NTF3: variants seen among roughly 807,000 people sequenced by gnomAD.
The protein encoded by NTF3 is neurotrophin 3.
Under a neutral mutation model 26.3 loss-of-function variants are expected in NTF3, and 8 were observed. That is an observed-to-expected ratio of 0.30 (90% CI 0.18 to 0.55). The LOEUF is 0.55. Among genes scored for constraint, NTF3 ranks in the 20% least tolerant of loss-of-function variants. NTF3 has a pLI of 0.93. For synonymous variants in NTF3, 154 were observed against 145.5 expected (o/e 1.06, Z -0.42); for missense variants, 276 against 352.9 (o/e 0.78, Z 1.75).
At chr12:5,440,951 C>T (rs1020036708) in intron 1 of NTF3, among the ~76,000 whole-genome samples, 6 of 152,196 alleles carry the variant, frequency 3.9e-5, no homozygotes, top group Admixed American at 2.0e-4. Flanking sequence ...ATTGAACATA[C>T]GGATGAGTGC....
intron 1 of NTF3, among the ~76,000 whole-genome samples, chr12:5,440,550 G>A (rs76168778): frequency 0.019 from 2,873 of 152,246 alleles, 28 homozygotes; most frequent in Non-Finnish European, 0.028. Flanking sequence ...GGTTCAAGAG[G>A]AAGACACAGC....
At chr12:5,478,925 A>G (rs1940755754) in intron 1 of NTF3, among the ~76,000 whole-genome samples, 1 of 152,166 alleles carries the variant, frequency 6.6e-6, no homozygotes, top group Non-Finnish European at 1.5e-5. Flanking sequence ...GTGTTAATCC[A>G]TTCGTTAGTG....
rs2121125334 is a variant in NTF3 at position 5,432,113 on chromosome 12, G to A, written c.-212G>A. 1 of 638,910 alleles carries A rather than the reference G, an allele frequency of 1.6e-6. No homozygotes were observed. The highest frequency in any genetic ancestry group is 1.8e-5 in the African/African-American group (1 of 55,668). The allele number at this position is 638,910 out of a possible 1,614,324, so 39.6% of individuals were successfully genotyped here. On this transcript the variant is annotated 5_prime_UTR_variant, in exon 1 of 2. Transcript: ENST00000423158. ...GCGCAGATTCTGTTCACGGGACTCA[G>A]AGTTGAAGCTCCTCTCCCTTCCGAA...
chr12:5,430,565 T>C (rs543493573), upstream of NTF3, among the ~76,000 whole-genome samples: 145 of 151,326 alleles, frequency 9.6e-4, 1 homozygote, highest in Admixed American at 4.5e-3. Context: ...ACAATCTATC[T>C]AGTACGCAGC....
chr12:5,468,582 G>T (rs1159059865), intron 1 of NTF3, among the ~76,000 whole-genome samples: 2 of 152,176 alleles, frequency 1.3e-5, no homozygotes, highest in African/African-American at 2.4e-5. Flanking sequence ...GGCAGCCCAG[G>T]GAAAGCTCTG....
chr12:5,490,481 C>T (rs1463005349), intron 1 of NTF3, among the ~76,000 whole-genome samples: 1 of 152,138 alleles, frequency 6.6e-6, no homozygotes, highest in Non-Finnish European at 1.5e-5. Flanking sequence ...CGTAGACATT[C>T]CCCTAAATAG....
chr12:5,439,790 A>G (rs1477341266), intron 1 of NTF3, among the ~76,000 whole-genome samples: 1 of 152,252 alleles, frequency 6.6e-6, no homozygotes, highest in Non-Finnish European at 1.5e-5. Flanking sequence ...AAAGTGAAAA[A>G]GAATATGAAT....
rs1239697331 is a variant in NTF3, at chr12:5,456,365, C to T, written c.18+24023C>T. Among the ~76,000 whole-genome samples, 2 of 152,098 alleles carry T rather than the reference C, an allele frequency of 1.3e-5. No homozygotes were observed. Among genetic ancestry groups the T allele is most frequent in the Admixed American group, 6.5e-5 (1 of 15,282 alleles). On this transcript the variant is annotated intron_variant, in intron 1 of 1. Coordinates refer to ENST00000423158, the MANE Select transcript of NTF3 (RefSeq NM_001102654.2). This position sits in a 1 kb window ranked among gnomAD's most constrained non-coding sequence, Gnocchi z 4.4. ...TGGTAGCCTCCTTTTGTGATTTTTG[C>T]AGCGGCCTTTAGCTTCCTTTACTCA...
chr12:5,479,061 T>G (rs117366671), intron 1 of NTF3, among the ~76,000 whole-genome samples: 1,527 of 152,354 alleles, frequency 0.01, 21 homozygotes, highest in Non-Finnish European at 0.016. Context: ...TCATCAAACG[T>G]GTTTTCCTTC....
intron 1 of NTF3, among the ~76,000 whole-genome samples, chr12:5,449,234 G>A (rs541252968): frequency 2.0e-5 from 3 of 152,274 alleles, no homozygotes; most frequent in South Asian, 4.1e-4. Context: ...TGACCAGTAC[G>A]CCTGAAAGGG....
At chr12:5,432,580 C>G (rs963066329) in intron 1 of NTF3, among the ~76,000 whole-genome samples, 3 of 150,642 alleles carry the variant, frequency 2.0e-5, no homozygotes, top group Admixed American at 6.6e-5. Flanking sequence ...CACACACACA[C>G]ACACACACAC....
At chr12:5,443,009 G>A (rs1279029438) in intron 1 of NTF3, among the ~76,000 whole-genome samples, 1 of 152,212 alleles carries the variant, frequency 6.6e-6, no homozygotes, top group African/African-American at 2.4e-5. Context: ...GGTTTTGGGA[G>A]TTTGGAGGAA....
At chr12:5,483,876 A>G (rs1254385758) in intron 1 of NTF3, among the ~76,000 whole-genome samples, 1 of 152,224 alleles carries the variant, frequency 6.6e-6, no homozygotes, top group Non-Finnish European at 1.5e-5. Flanking sequence ...AAATGCTCTG[A>G]TTCCTGGTGT....
intron 1 of NTF3, among the ~76,000 whole-genome samples, chr12:5,458,413 T>C (rs1443348527): frequency 6.6e-6 from 1 of 152,202 alleles, no homozygotes; most frequent in Non-Finnish European, 1.5e-5. Context: ...TAGTTCCTGA[T>C]TCAACACCTT....
chr12:5,449,967 G>A (rs981836815), intron 1 of NTF3, among the ~76,000 whole-genome samples: 9 of 152,154 alleles, frequency 5.9e-5, no homozygotes, highest in Non-Finnish European at 1.3e-4. Flanking sequence ...TGCTTAACCA[G>A]GGTATCATTG....
chr12:5,486,096 G>A (rs1940862948), intron 1 of NTF3, among the ~76,000 whole-genome samples: 1 of 152,174 alleles, frequency 6.6e-6, no homozygotes. Context: ...AAAGGCGGTT[G>A]TCTGTGTGGC....
chr12:5,440,867 G>A (rs747365154), intron 1 of NTF3, among the ~76,000 whole-genome samples: 1 of 152,198 alleles, frequency 6.6e-6, no homozygotes, highest in Non-Finnish European at 1.5e-5. Flanking sequence ...TAACCCTGCT[G>A]GCCTAGAGGA....
chr12:5,455,910 G>A (rs890985679), intron 1 of NTF3, among the ~76,000 whole-genome samples: 7 of 152,316 alleles, frequency 4.6e-5, no homozygotes, highest in Admixed American at 4.6e-4. Context: ...GCAGTCCACA[G>A]AGTCTGAGAA....
At chr12:5,476,497 G>A (rs1940726448) in intron 1 of NTF3, among the ~76,000 whole-genome samples, 1 of 152,220 alleles carries the variant, frequency 6.6e-6, no homozygotes, top group Non-Finnish European at 1.5e-5. Flanking sequence ...CATAGGCCGC[G>A]TTTCCCTGTC....
Sources: gnomAD v4.1 joint callset for allele counts (sites outside exome capture counted in the v4.1 genomes callset) on GRCh38, gnomAD v4.1.1 for gene constraint, Gnocchi (gnomAD v3.1) non-coding constraint, MANE v1.5 for transcripts, NCBI Gene and HGNC (gene_info 2026-07-23, HGNC 2026-07-21) for gene names.